Variants in PHLPP1 observed in about 807,000 individuals in gnomAD.
The protein encoded by PHLPP1 is PH domain leucine-rich repeat-containing protein phosphatase 1.
In PHLPP1, 42 loss-of-function variants were observed where a neutral mutation model predicts 117.2. The ratio of observed to expected loss-of-function variants is 0.36; its 90% CI spans 0.28 to 0.46. The LOEUF (loss-of-function observed/expected upper bound fraction) is 0.46, where lower values mean the gene tolerates loss of function less well. Among genes scored for constraint, PHLPP1 ranks in the 20% least tolerant of loss-of-function variants. PHLPP1 has a pLI of 1.00. For missense variants in PHLPP1, 2,084 were observed against 2,241.9 expected (o/e 0.93, Z 1.42); for synonymous variants, 1,042 against 970.7 (o/e 1.07, Z -1.37).
At chr18:62,879,276 T>C (rs1916117580) in intron 4 of PHLPP1, among the ~76,000 whole-genome samples, 1 of 152,240 alleles carries the variant, frequency 6.6e-6, no homozygotes, top group Non-Finnish European at 1.5e-5. Flanking sequence ...CTTACTGCTC[T>C]TCTGCCATGG....
intron 4 of PHLPP1, among the ~76,000 whole-genome samples, chr18:62,888,092 G>A (rs1167869054): frequency 4.6e-5 from 7 of 152,120 alleles, no homozygotes. Flanking sequence ...CCCTGGCTAT[G>A]ATTATAAACC....
intron 4 of PHLPP1, among the ~76,000 whole-genome samples, chr18:62,866,745 G>A (rs1391483964): frequency 6.6e-6 from 1 of 152,106 alleles, no homozygotes; most frequent in Non-Finnish European, 1.5e-5. Flanking sequence ...CCCACTTCAG[G>A]AGGATTCAGA....
In PHLPP1 at chr18:62,979,459, TA is replaced by T; in HGVS notation, c.*30del. The T allele has an allele frequency of 6.5e-7, 1 of 1,542,822 alleles. No homozygotes were observed. Among genetic ancestry groups the T allele is most frequent in the Non-Finnish European group, 8.8e-7 (1 of 1,141,788 alleles). On this transcript the variant is annotated 3_prime_UTR_variant, in exon 17 of 17. Transcript: ENST00000262719. Reference sequence around the variant, plus strand: ...CAGCCGAGCTGTTTAACAAATAAACTAACCACAAAAGACTGAGTTGCAAGAG... The same window carrying T: ...CAGCCGAGCTGTTTAACAAATAAACTACCACAAAAGACTGAGTTGCAAGAG...
chr18:62,802,124 G>A (rs1201194960), intron 1 of PHLPP1, among the ~76,000 whole-genome samples: 1 of 152,200 alleles, frequency 6.6e-6, no homozygotes, highest in African/African-American at 2.4e-5. Context: ...AGGGGGTTAT[G>A]AGGATACGAG....
chr18:62,955,767 A>T (rs73963640), intron 12 of PHLPP1, among the ~76,000 whole-genome samples: 8,678 of 152,262 alleles, frequency 0.057, 786 homozygotes, highest in African/African-American at 0.2. Flanking sequence ...TTTCTGCAGA[A>T]TGCCTTTAAT....
chr18:62,755,068 A>G (rs1158536586), intron 1 of PHLPP1, among the ~76,000 whole-genome samples: 1 of 152,002 alleles, frequency 6.6e-6, no homozygotes, highest in Non-Finnish European at 1.5e-5. Flanking sequence ...AGCCAGCTAG[A>G]CAACAGCATT....
chr18:62,787,185 T>G (rs1043274210), intron 1 of PHLPP1, among the ~76,000 whole-genome samples: 1 of 152,046 alleles, frequency 6.6e-6, no homozygotes. Context: ...GCTTAACAGA[T>G]TGCTCTCAAT....
At chr18:62,863,900 T>A (rs536405749) in intron 4 of PHLPP1, among the ~76,000 whole-genome samples, 20 of 152,290 alleles carry the variant, frequency 1.3e-4, no homozygotes, top group African/African-American at 4.8e-4. Flanking sequence ...CCAGTAGGGG[T>A]AAACCTTATT....
chr18:62,875,172 T>G (rs1222131932), intron 4 of PHLPP1, among the ~76,000 whole-genome samples: 1 of 152,132 alleles, frequency 6.6e-6, no homozygotes, highest in Non-Finnish European at 1.5e-5. Flanking sequence ...GCCAGGATGG[T>G]CTCAGTCTCC....
At chr18:62,849,826 A>ATATATATATATATATATATATATAT (rs1371664083) in intron 3 of PHLPP1, among the ~76,000 whole-genome samples, 59 of 33,778 alleles carry the variant, frequency 1.7e-3, no homozygotes, top group Non-Finnish European at 3.1e-3. Context: ...AAAAAAAAAA[A>ATATATATATATATATATATATATAT]AAAAAAATAT....
chr18:62,966,801 T>C (rs1013354227), intron 14 of PHLPP1, among the ~76,000 whole-genome samples: 1 of 152,190 alleles, frequency 6.6e-6, no homozygotes, highest in Non-Finnish European at 1.5e-5. Context: ...AATATCATCA[T>C]GTGTAACCAC....
chr18:62,972,296 T>C (rs1911072936), intron 14 of PHLPP1, among the ~76,000 whole-genome samples: 1 of 152,224 alleles, frequency 6.6e-6, no homozygotes, highest in Non-Finnish European at 1.5e-5. Context: ...GAGAAGCATG[T>C]AGGAAGGCAT....
intron 4 of PHLPP1, among the ~76,000 whole-genome samples, chr18:62,888,452 G>C (rs1916339172): frequency 6.6e-6 from 1 of 152,008 alleles, no homozygotes; most frequent in African/African-American, 2.4e-5. Context: ...TGTAATCCCA[G>C]TACTTTGGGA....
chr18:62,805,917 A>C (rs1045294037), intron 1 of PHLPP1, among the ~76,000 whole-genome samples: 1 of 151,892 alleles, frequency 6.6e-6, no homozygotes, highest in Non-Finnish European at 1.5e-5. Flanking sequence ...ATAGAATATA[A>C]AATATTTCAA....
At chr18:62,824,345 C>T (rs937461153) in intron 1 of PHLPP1, 1 of 378,832 alleles carries the variant, frequency 2.6e-6, no homozygotes, top group Non-Finnish European at 5.1e-6. Flanking sequence ...TGTCCATTAG[C>T]AGATCAATGG....
chr18:62,978,667 C>G lies in PHLPP1; in HGVS notation c.4390C>G (p.Leu1464Val). ...MVIKDRPSDG[L>V]GVPSSSSGMA... The stretch of plus-strand genomic sequence containing the variant: ...GATCAAGGATCGGCCCTCAGATGGG[C>G]TGGGCGTGCCGTCCTCCAGCAGCGG... Residue 1464 changes from leucine to valine, a missense_variant, in exon 17 of 17, where the codon CTG becomes GTG. This residue lies in a region of PHLPP1 where 1,365 missense variants were observed against 1,605.9 expected (regional missense o/e 0.85). Transcript: ENST00000262719. The surrounding 1 kb of genome is among the most constrained non-coding windows in gnomAD (Gnocchi z 7.0). The G allele has an allele frequency of 1.9e-6, 3 of 1,613,902 alleles. No individual in the cohort carries two copies. Among genetic ancestry groups the G allele is most frequent in the Non-Finnish European group, 8.5e-7 (1 of 1,179,856 alleles).
Position 62,945,177 on chromosome 18 carries a change from C to T in PHLPP1, c.3230C>T (p.Thr1077Ile). 6.2e-7 allele frequency: 1 copy of T among 1,613,070 alleles called. No individual in the cohort carries two copies. The highest frequency in any genetic ancestry group is 8.5e-7 in the Non-Finnish European group (1 of 1,179,550). The change falls in exon 12 of 17, where the codon ACA (threonine) becomes ATA (isoleucine). Residue 1077 changes from threonine to isoleucine, a missense_variant. Thr to Ile is a moderately conservative substitution (Grantham distance 89). Transcript: ENST00000262719. ...GGGAATAAGCTGAAAGCCATCCCAA[C>T]AACGATCATGAATTGCAGGCGCATG... ...LSGNKLKAIP[T>I]TIMNCRRMHT... is the part of the protein sequence containing the mutation.
chr18:62,856,567 A>G (rs956106616), intron 3 of PHLPP1, among the ~76,000 whole-genome samples: 2 of 152,118 alleles, frequency 1.3e-5, no homozygotes, highest in Non-Finnish European at 2.9e-5. Flanking sequence ...AGCTGGAACT[A>G]TAGGCACGCA....
At chr18:62,922,989 G>A (rs1010638133) in intron 10 of PHLPP1, among the ~76,000 whole-genome samples, 2 of 152,116 alleles carry the variant, frequency 1.3e-5, no homozygotes, top group African/African-American at 2.4e-5. Context: ...ATTCCCAAAC[G>A]GTACCTGTAT....
Sources: gnomAD v4.1 joint callset for allele counts (sites outside exome capture counted in the v4.1 genomes callset) on GRCh38, gnomAD v4.1.1 for gene constraint, gnomAD v4.1.1 regional missense constraint, Gnocchi (gnomAD v3.1) non-coding constraint, MANE v1.5 for transcripts, NCBI Gene and HGNC (gene_info 2026-07-23, HGNC 2026-07-21) for gene names.